CNTN5: variants seen among roughly 807,000 people sequenced by gnomAD.
CNTN5 encodes the protein contactin 5.
CNTN5 carries 77 observed loss-of-function variants against 129.1 expected under a neutral mutation model. That is an observed-to-expected ratio of 0.60 (90% confidence interval 0.50 to 0.72). The LOEUF is 0.72. Ranked by LOEUF, CNTN5 falls within the 30% of genes least tolerant of loss-of-function variation. CNTN5 has a pLI of 0.00. For synonymous variants in CNTN5, 509 were observed against 465.6 expected (o/e 1.09, Z -1.20); for missense variants, 1,478 against 1,328.8 (o/e 1.11, Z -1.75).
chr11:99,777,661 T>C (rs1945171154), intron 3 of CNTN5, among the ~76,000 whole-genome samples: 1 of 151,864 alleles, frequency 6.6e-6, no homozygotes, highest in Non-Finnish European at 1.5e-5. Context: ...CAAGGGTATA[T>C]TTCTAAATTG....
intron 8 of CNTN5, among the ~76,000 whole-genome samples, chr11:99,994,331 C>A (rs1013243187): frequency 3.3e-5 from 5 of 151,978 alleles, no homozygotes; most frequent in Middle Eastern, 3.4e-3. Context: ...AACCTTGGTA[C>A]CTTACTTAAT....
At chr11:99,942,730 A>G (rs896467977) in intron 7 of CNTN5, among the ~76,000 whole-genome samples, 2 of 151,790 alleles carry the variant, frequency 1.3e-5, no homozygotes, top group African/African-American at 4.8e-5. Flanking sequence ...CCCTATGTCC[A>G]TGTGTTCTCA....
At chr11:99,461,584 A>C (rs1437924615) in intron 2 of CNTN5, among the ~76,000 whole-genome samples, 1 of 152,162 alleles carries the variant, frequency 6.6e-6, no homozygotes, top group Non-Finnish European at 1.5e-5. Context: ...TTTACTAAGA[A>C]AGCATTGATA....
At chr11:99,515,206 A>G (rs181096244) in intron 2 of CNTN5, among the ~76,000 whole-genome samples, 2 of 152,192 alleles carry the variant, frequency 1.3e-5, no homozygotes, top group East Asian at 3.9e-4. Flanking sequence ...CAGCGAAGAG[A>G]GATTAACACT....
intron 9 of CNTN5, among the ~76,000 whole-genome samples, chr11:100,049,597 C>T (rs79957115): frequency 0.092 from 14,021 of 151,938 alleles, 836 homozygotes; most frequent in East Asian, 0.18. Context: ...CCAAAAGCAA[C>T]GGCAACAAAA....
intron 2 of CNTN5, among the ~76,000 whole-genome samples, chr11:99,468,418 G>A (rs1344092062): frequency 1.3e-5 from 2 of 152,170 alleles, no homozygotes; most frequent in South Asian, 2.1e-4. Context: ...GACTTAAATC[G>A]GAGAATGTAA....
At chr11:99,916,916 GGT>G in intron 7 of CNTN5, among the ~76,000 whole-genome samples, 1 of 152,056 alleles carries the variant, frequency 6.6e-6, no homozygotes, top group East Asian at 1.9e-4. Flanking sequence ...ATTAACAACT[GGT>G]AACAGAATTG....
chr11:99,595,212 T>C (rs931031308), intron 3 of CNTN5, among the ~76,000 whole-genome samples: 11 of 152,164 alleles, frequency 7.2e-5, no homozygotes, highest in African/African-American at 2.4e-4. Flanking sequence ...ATATTTTAAA[T>C]GTTGCCACTA....
At chr11:99,391,265 G>A (rs1414573888) in intron 2 of CNTN5, among the ~76,000 whole-genome samples, 2 of 152,096 alleles carry the variant, frequency 1.3e-5, no homozygotes, top group South Asian at 2.1e-4. Flanking sequence ...GCATGACTAT[G>A]TGAAAATACT....
intron 11 of CNTN5, among the ~76,000 whole-genome samples, chr11:100,071,267 T>G (rs1343637412): frequency 6.6e-6 from 1 of 152,126 alleles, no homozygotes; most frequent in Non-Finnish European, 1.5e-5. Context: ...ATCCATATAG[T>G]AAAGGGATTG....
chr11:99,354,041 C>T (rs137991238), intron 2 of CNTN5, among the ~76,000 whole-genome samples: 1 of 152,136 alleles, frequency 6.6e-6, no homozygotes, highest in Non-Finnish European at 1.5e-5. Context: ...TAATTCATAG[C>T]ATTTTTAGCA....
At position 100,298,276 on chromosome 11, in the gene CNTN5, A is replaced by T. The variant is rs150742529; in HGVS notation, c.2385+581A>T. On this transcript the variant is annotated intron_variant, in intron 19 of 24. Coordinates refer to ENST00000524871, the MANE Select transcript of CNTN5 (RefSeq NM_014361.4). ...TTCCAGTAAGAATTATTCCATGAGCACATAATCTGTCCTATTTTTTTTGTC... is the reference window on the plus strand; with the variant it reads ...TTCCAGTAAGAATTATTCCATGAGCTCATAATCTGTCCTATTTTTTTTGTC... Among the ~76,000 whole-genome samples, 723 of 151,564 alleles carry T rather than the reference A, an allele frequency of 4.8e-3. 5 individuals carry two copies. Among genetic ancestry groups the T allele is most frequent in the African/African-American group, 0.016 (683 of 41,446 alleles).
intron 7 of CNTN5, among the ~76,000 whole-genome samples, chr11:99,922,787 C>T (rs535369866): frequency 1.6e-4 from 24 of 152,304 alleles, no homozygotes; most frequent in South Asian, 6.2e-4. Context: ...ATTCCCAATA[C>T]GTAGCACAGT....
chr11:100,347,466 C>T (rs2139030311), intron 23 of CNTN5, among the ~76,000 whole-genome samples: 1 of 152,200 alleles, frequency 6.6e-6, no homozygotes, highest in South Asian at 2.1e-4. Flanking sequence ...ATCCTCTTTA[C>T]ATTCATTTAT....
At chr11:99,834,054 C>G (rs1293860519) in intron 4 of CNTN5, among the ~76,000 whole-genome samples, 1 of 152,118 alleles carries the variant, frequency 6.6e-6, no homozygotes, top group Non-Finnish European at 1.5e-5. Context: ...GTAAAATAAT[C>G]TGACTGGATA....
intron 13 of CNTN5, among the ~76,000 whole-genome samples, chr11:100,168,349 C>T (rs765573438): frequency 2.0e-5 from 3 of 151,898 alleles, no homozygotes; most frequent in African/African-American, 4.8e-5. Context: ...AAGTGAATGC[C>T]TGGCTTCAAA....
chr11:99,374,913 C>T (rs901458932), intron 2 of CNTN5, among the ~76,000 whole-genome samples: 1 of 152,052 alleles, frequency 6.6e-6, no homozygotes, highest in Non-Finnish European at 1.5e-5. Context: ...ATGGAACATC[C>T]ACGATACTAG....
intron 21 of CNTN5, chr11:100,337,487 G>T (rs1035191028): frequency 1.3e-6 from 1 of 742,852 alleles, no homozygotes; most frequent in South Asian, 1.3e-5. Flanking sequence ...CTGAGGGACT[G>T]AACTTTCAGG....
chr11:99,219,843 T>C (rs2135699139), intron 1 of CNTN5, among the ~76,000 whole-genome samples: 1 of 151,902 alleles, frequency 6.6e-6, no homozygotes, highest in Admixed American at 6.6e-5. Context: ...TGAGAGATGA[T>C]TATAAAATCA....
Sources: gnomAD v4.1 joint callset for allele counts (sites outside exome capture counted in the v4.1 genomes callset) on GRCh38, gnomAD v4.1.1 for gene constraint, MANE v1.5 for transcripts, NCBI Gene and HGNC (gene_info 2026-07-23, HGNC 2026-07-21) for gene names.